SLC15A5: variants seen among roughly 807,000 people sequenced by gnomAD.
The protein encoded by SLC15A5 is Peptide/histidine transporter ENSP00000340402.
A neutral mutation model predicts 56.1 loss-of-function variants in SLC15A5; 58 were observed. The observed-to-expected ratio is 1.03, with a 90% CI of 0.84 to 1.29. The LOEUF (loss-of-function observed/expected upper bound fraction) is 1.29. Ranked by LOEUF, SLC15A5 falls within the 50% of genes most tolerant of loss-of-function variation. SLC15A5 has a pLI of 0.00. For missense variants in SLC15A5, 681 were observed against 672.1 expected (o/e 1.01, Z -0.15); for synonymous variants, 264 against 250.5 (o/e 1.05, Z -0.51).
rs914321153 is a variant in SLC15A5 at position 16,239,120 on chromosome 12, A to G, written c.1162+561T>C. 5.4e-4 allele frequency among the ~76,000 whole-genome samples: 83 copies of G among 152,326 alleles called. 1 individual carries two copies. Among genetic ancestry groups the G allele is most frequent in the African/African-American group, 1.9e-3 (77 of 41,580 alleles). On this transcript the variant is annotated intron_variant, in intron 5 of 8. Coordinates refer to ENST00000344941, the MANE Select transcript of SLC15A5 (RefSeq NM_001170798.1). ...GTTCTCTTGTTCCCTGATGGTGTCG[A>G]AGGAAGACAGGCAGAGGAGAATATG...
chr12:16,238,090 A>G (rs1864369804), intron 5 of SLC15A5, among the ~76,000 whole-genome samples: 1 of 152,208 alleles, frequency 6.6e-6, no homozygotes, highest in African/African-American at 2.4e-5. Context: ...GGCTTAAGAA[A>G]TACATCTCAA....
At position 16,189,338 on chromosome 12, in the gene SLC15A5, A is replaced by G. The variant is rs1863817545; in HGVS notation, c.*330T>C. 6.0e-6 allele frequency: 1 copy of G among 167,772 alleles called. No homozygotes were observed. The highest frequency in any genetic ancestry group is 6.3e-5 in the Admixed American group (1 of 15,868). 10.4% of individuals were successfully genotyped at this position (167,772 alleles called of 1,614,324 possible). ...TTCTAATGACTCATTAAAACTCCAA[A>G]AAAAAGGTCATACGCTTTCAATGGC... On this transcript the variant is annotated 3_prime_UTR_variant, in exon 9 of 9. Coordinates refer to ENST00000344941, the MANE Select transcript of SLC15A5 (RefSeq NM_001170798.1).
intron 7 of SLC15A5, among the ~76,000 whole-genome samples, chr12:16,198,790 C>T (rs1476295944): frequency 6.6e-6 from 1 of 152,114 alleles, no homozygotes; most frequent in Non-Finnish European, 1.5e-5. Context: ...TATCGTGATA[C>T]ACACATGCTA....
chr12:16,234,396 T>C (rs1864327510), intron 5 of SLC15A5, among the ~76,000 whole-genome samples: 1 of 152,194 alleles, frequency 6.6e-6, no homozygotes, highest in African/African-American at 2.4e-5. Context: ...GGATCTATGT[T>C]TGCTTCTTAT....
Position 16,233,681 on chromosome 12 carries a change from C to G in SLC15A5, c.1162+6000G>C, listed in dbSNP as rs569792934. Among the ~76,000 whole-genome samples, 3 of 152,274 alleles carry G rather than the reference C, an allele frequency of 2.0e-5. No individual in the cohort carries two copies. The East Asian group carries it at 5.8e-4, about 29-fold the overall frequency. ...CTGCTGCCTATACACATGCATGAAA[C>G]TTGAGAGAGCCGTCTTTTGGGCCAC... On this transcript the variant is annotated intron_variant, in intron 5 of 8. Transcript: ENST00000344941.
In SLC15A5 at chr12:16,271,760, C is replaced by G. The variant is rs1727265231; in HGVS notation, c.584+801G>C. Among the ~76,000 whole-genome samples the G allele has an allele frequency of 6.6e-6, 1 of 152,114 alleles. No individual in the cohort carries two copies. The stretch of plus-strand genomic sequence containing the variant: ...GTTTTATACTAAATTCTTAACTACC[C>G]TCCCTTAAGATCCATATATTAATTT... On this transcript the variant is annotated intron_variant, in intron 2 of 8. Coordinates refer to ENST00000344941, the MANE Select transcript of SLC15A5 (RefSeq NM_001170798.1). This position sits in a 1 kb window ranked among gnomAD's most constrained non-coding sequence, Gnocchi z 8.0.
At chr12:16,219,867 T>C (rs1162478947) in intron 6 of SLC15A5, among the ~76,000 whole-genome samples, 1 of 152,106 alleles carries the variant, frequency 6.6e-6, no homozygotes, top group Non-Finnish European at 1.5e-5. Context: ...CAATAAAAAA[T>C]ATTCAGTGTG....
chr12:16,244,755 T>C lies in SLC15A5; in HGVS notation c.800A>G (p.Lys267Arg), dbSNP rs999674031. The part of the protein sequence containing the change: ...TGVGVLVSAL[K>R]TCHPQYCHLG... ...ATGGCAGTATTGCGGGTGGCATGTTTTCAGTGCACTAACCAACACCCCAAC... is the reference window on the plus strand; with the variant it reads ...ATGGCAGTATTGCGGGTGGCATGTTCTCAGTGCACTAACCAACACCCCAAC... Residue 267 changes from lysine (K) to arginine (R), a missense_variant, in exon 4 of 9, where the codon AAA (lysine) becomes AGA (arginine). Lys to Arg is a conservative substitution (Grantham distance 26, BLOSUM62 2). Transcript: ENST00000344941. 2.0e-6 allele frequency: 3 copies of C among 1,537,780 alleles called. No individual in the cohort carries two copies. In the Admixed American group the frequency reaches 5.9e-5, roughly 30 times the overall value.
chr12:16,277,655 C>A lies in SLC15A5; in HGVS notation c.31G>T (p.Glu11Ter). The change falls in exon 1 of 9, where the codon GAG becomes TAG. Residue 11 changes from glutamate (E) to a stop codon, truncating the protein, a stop_gained. Transcript: ENST00000344941. LOFTEE classifies it high-confidence loss of function. MSVTGFTITD[E>*]KVHLYHSIEK... Reference sequence around the variant, plus strand: ...ATGCTGTGATATAAGTGTACTTTCTCATCAGTTATGGTAAAGCCTGTAACA... The same window carrying A: ...ATGCTGTGATATAAGTGTACTTTCTAATCAGTTATGGTAAAGCCTGTAACA... 6.5e-7 allele frequency: 1 copy of A among 1,535,508 alleles called. No homozygotes were observed. The highest frequency in any genetic ancestry group is 1.2e-5 in the South Asian group (1 of 83,914).
rs1240265602 is a variant in SLC15A5 at position 16,237,470 on chromosome 12, G to A, written c.1162+2211C>T. On this transcript the variant is annotated intron_variant, in intron 5 of 8. Coordinates refer to ENST00000344941, the MANE Select transcript of SLC15A5 (RefSeq NM_001170798.1). The surrounding 1 kb of genome is among the most constrained non-coding windows in gnomAD (Gnocchi z 4.1). ...GTTTTTCCTTTTTCCTGTGCAATAG[G>A]TCTTGTTACCAATCTTGAAGGGGAA... Among the ~76,000 whole-genome samples the A allele has an allele frequency of 6.6e-6, 1 of 152,040 alleles. No individual in the cohort carries two copies. The highest frequency in any genetic ancestry group is 1.9e-4 in the East Asian group (1 of 5,196).
chr12:16,250,962 TA>T (rs1864513478), intron 3 of SLC15A5, among the ~76,000 whole-genome samples: 1 of 151,858 alleles, frequency 6.6e-6, no homozygotes, highest in East Asian at 1.9e-4. Context: ...AGAAGCAAGT[TA>T]AAAATATGTG....
chr12:16,250,395 G>A (rs910233692), intron 3 of SLC15A5, among the ~76,000 whole-genome samples: 8 of 151,954 alleles, frequency 5.3e-5, no homozygotes, highest in Non-Finnish European at 5.9e-5. Flanking sequence ...TACATTGTAG[G>A]TATATGATAA....
At chr12:16,221,167 T>C (rs1864184344) in intron 6 of SLC15A5, among the ~76,000 whole-genome samples, 1 of 152,208 alleles carries the variant, frequency 6.6e-6, no homozygotes, top group Non-Finnish European at 1.5e-5. Context: ...CATTTGTTTC[T>C]TCAATCAAAA....
chr12:16,263,618 G>A (rs1864664100), intron 2 of SLC15A5, among the ~76,000 whole-genome samples: 1 of 152,166 alleles, frequency 6.6e-6, no homozygotes, highest in Non-Finnish European at 1.5e-5. Context: ...AGGTCTTCAT[G>A]GCAACCCCTG....
intron 7 of SLC15A5, among the ~76,000 whole-genome samples, chr12:16,198,224 T>A (rs993751465): frequency 6.6e-6 from 1 of 152,190 alleles, no homozygotes; most frequent in African/African-American, 2.4e-5. Context: ...TAGATGTATT[T>A]GTTCATTTGA....
chr12:16,205,134 AAAGAG>A (rs1425568431), intron 7 of SLC15A5, among the ~76,000 whole-genome samples: 10 of 152,106 alleles, frequency 6.6e-5, no homozygotes, highest in Admixed American at 2.0e-4. Context: ...GCACATCATA[AAAGAG>A]AAAAGATAAA....
At position 16,216,943 on chromosome 12, in the gene SLC15A5, C is replaced by T. The variant is rs1864135096; in HGVS notation, c.1433G>A (p.Gly478Asp). The change falls in exon 7 of 9, where the codon GGC becomes GAC. Residue 478 changes from glycine (G) to aspartate (D), a missense_variant. By Grantham distance (94) the Gly-to-Asp change is moderately conservative. Coordinates refer to ENST00000344941, the MANE Select transcript of SLC15A5 (RefSeq NM_001170798.1). ...CACCAGCAGTGCCCCTGTGAAACAG[C>T]CAAATCCATTGAACAGTGTCAGAAA... ...MNFLTLFNGF[G>D]CFTGALLVKL... 1 of 1,536,702 alleles carries T rather than the reference C, an allele frequency of 6.5e-7. No homozygotes were observed. The highest frequency in any genetic ancestry group is 2.0e-5 in the Admixed American group (1 of 50,924).
intron 1 of SLC15A5, among the ~76,000 whole-genome samples, chr12:16,274,362 A>G (rs1864794345): frequency 6.6e-6 from 1 of 152,096 alleles, no homozygotes; most frequent in South Asian, 2.1e-4. Flanking sequence ...ATTAGTGAAA[A>G]ATGGCTCCTC....
chr12:16,209,023 T>C (rs1437965165), intron 7 of SLC15A5, among the ~76,000 whole-genome samples: 11 of 88,568 alleles, frequency 1.2e-4, no homozygotes, highest in Non-Finnish European at 3.0e-4. Flanking sequence ...TGATGCCTTT[T>C]TTTTTTTTTT....
Sources: allele counts gnomAD v4.1 joint callset (sites outside exome capture counted in the v4.1 genomes callset), GRCh38; gene constraint gnomAD v4.1.1; non-coding constraint Gnocchi (gnomAD v3.1); transcripts MANE v1.5; gene names NCBI Gene and HGNC (gene_info 2026-07-23, HGNC 2026-07-21).